Variants in KCNIP4 observed in about 807,000 individuals in gnomAD.
KCNIP4 encodes potassium voltage-gated channel interacting protein 4.
KCNIP4 carries 12 observed loss-of-function variants against 34.0 expected under a neutral mutation model. The observed-to-expected ratio is 0.35, with a 90% CI of 0.23 to 0.57. KCNIP4 has a LOEUF of 0.57. KCNIP4 is among the 20% of genes least tolerant of loss of function. KCNIP4 has a pLI of 0.83. For synonymous variants in KCNIP4, 124 were observed against 102.2 expected (o/e 1.21, Z -1.29); for missense variants, 238 against 311.7 (o/e 0.76, Z 1.78).
At chr4:21,419,350 G>T (rs991222872) in intron 1 of KCNIP4, among the ~76,000 whole-genome samples, 2 of 152,024 alleles carry the variant, frequency 1.3e-5, no homozygotes, top group African/African-American at 2.4e-5. Flanking sequence ...ATATACACCA[G>T]GAAAATGATG....
At chr4:20,743,313 T>A (rs1751619598) in intron 5 of KCNIP4, among the ~76,000 whole-genome samples, 1 of 152,076 alleles carries the variant, frequency 6.6e-6, no homozygotes, top group South Asian at 2.1e-4. Context: ...CATTGCCAAG[T>A]CAATCCTAAG....
intron 5 of KCNIP4, among the ~76,000 whole-genome samples, chr4:20,739,572 C>A (rs1312704485): frequency 1.3e-5 from 2 of 152,162 alleles, no homozygotes; most frequent in Non-Finnish European, 2.9e-5. Flanking sequence ...GACATCCACA[C>A]CAAAACCCCA....
intron 1 of KCNIP4, among the ~76,000 whole-genome samples, chr4:21,227,623 T>G (rs565454724): frequency 5.8e-4 from 88 of 152,302 alleles, no homozygotes; most frequent in African/African-American, 2.0e-3. Context: ...TCCAGGACTG[T>G]GACTTCTGCC....
Position 20,793,189 on chromosome 4 carries a change from T to C in KCNIP4, c.289-34299A>G, listed in dbSNP as rs537243518. 2.0e-5 allele frequency among the ~76,000 whole-genome samples: 3 copies of C among 152,298 alleles called. 1 individual carries two copies. The South Asian group carries it at 6.2e-4, about 32-fold the overall frequency. On this transcript the variant is annotated intron_variant, in intron 3 of 8. Coordinates refer to ENST00000382152, the MANE Select transcript of KCNIP4 (RefSeq NM_025221.6). ...TCCTAAATGTCCATTTACAGGTGAA[T>C]GGATAAACAAATTGTTGTATATACC...
chr4:21,326,697 G>GT (rs57895140), intron 1 of KCNIP4, among the ~76,000 whole-genome samples: 50,181 of 150,520 alleles, frequency 0.33, 8,335 homozygotes, highest in Middle Eastern at 0.42. Flanking sequence ...TTTTCTGGTT[G>GT]TTTTTTCGGT....
chr4:21,027,039 C>T (rs1004234450), intron 1 of KCNIP4, among the ~76,000 whole-genome samples: 1 of 152,170 alleles, frequency 6.6e-6, no homozygotes, highest in African/African-American at 2.4e-5. Flanking sequence ...AAAGATTATT[C>T]TGACTGTGTT....
At chr4:21,034,539 C>T (rs1251984281) in intron 1 of KCNIP4, among the ~76,000 whole-genome samples, 2 of 152,138 alleles carry the variant, frequency 1.3e-5, no homozygotes, top group Non-Finnish European at 2.9e-5. Flanking sequence ...CCTGGTCTTC[C>T]TTAGCATGGT....
intron 3 of KCNIP4, among the ~76,000 whole-genome samples, chr4:20,848,793 T>C (rs1346964316): frequency 6.6e-6 from 1 of 152,032 alleles, no homozygotes; most frequent in African/African-American, 2.4e-5. Flanking sequence ...TGATGTACAA[T>C]CCAATGTTAA....
intron 1 of KCNIP4, among the ~76,000 whole-genome samples, chr4:21,927,441 A>C (rs1729313524): frequency 6.6e-6 from 1 of 152,132 alleles, no homozygotes; most frequent in Non-Finnish European, 1.5e-5. Context: ...TGGGAAGAAA[A>C]GCAATACTCA....
chr4:21,709,569 A>T (rs913636201), intron 1 of KCNIP4, among the ~76,000 whole-genome samples: 21 of 152,304 alleles, frequency 1.4e-4, no homozygotes, highest in African/African-American at 4.8e-4. Flanking sequence ...TCATAAACAG[A>T]TACTAGTTTT....
At chr4:21,875,426 C>A (rs1726053150) in intron 1 of KCNIP4, among the ~76,000 whole-genome samples, 1 of 152,104 alleles carries the variant, frequency 6.6e-6, no homozygotes, top group Non-Finnish European at 1.5e-5. Flanking sequence ...TGTTTTTCAC[C>A]TATTTACTCA....
chr4:20,806,777 G>T (rs1157633248), intron 3 of KCNIP4, among the ~76,000 whole-genome samples: 1 of 152,062 alleles, frequency 6.6e-6, no homozygotes, highest in Admixed American at 6.6e-5. Flanking sequence ...AAAGATATCT[G>T]GTTTGGTGAG....
chr4:21,358,825 G>C (rs1319371043), intron 1 of KCNIP4, among the ~76,000 whole-genome samples: 3 of 152,034 alleles, frequency 2.0e-5, no homozygotes, highest in African/African-American at 7.2e-5. Context: ...TCAAACAAAT[G>C]CAATAATTTG....
chr4:20,955,629 C>A (rs1251709995), intron 1 of KCNIP4, among the ~76,000 whole-genome samples: 1 of 151,792 alleles, frequency 6.6e-6, no homozygotes, highest in Non-Finnish European at 1.5e-5. Flanking sequence ...TACTTATCTT[C>A]TAAGAAACTT....
intron 1 of KCNIP4, among the ~76,000 whole-genome samples, chr4:21,303,574 T>C (rs925961414): frequency 6.6e-6 from 1 of 152,208 alleles, no homozygotes; most frequent in Admixed American, 6.5e-5. Flanking sequence ...TGTTCTGACA[T>C]TTTTGATCCA....
At chr4:20,736,157 T>C (rs1749576455) in intron 5 of KCNIP4, among the ~76,000 whole-genome samples, 1 of 152,214 alleles carries the variant, frequency 6.6e-6, no homozygotes, top group Admixed American at 6.5e-5. Context: ...CTGGCATAAA[T>C]AGTTTGTATT....
At chr4:21,131,996 A>G (rs1751105880) in intron 1 of KCNIP4, among the ~76,000 whole-genome samples, 1 of 152,202 alleles carries the variant, frequency 6.6e-6, no homozygotes, top group African/African-American at 2.4e-5. Flanking sequence ...AGAGAGAGGT[A>G]CCGTGGTAAT....
rs541802295 is a variant in KCNIP4, at chr4:20,999,893, C to G, written c.62-117184G>C. 3.3e-5 allele frequency among the ~76,000 whole-genome samples: 5 copies of G among 152,260 alleles called. No homozygotes were observed. In the East Asian group the frequency reaches 9.7e-4, roughly 29 times the overall value. On this transcript the variant is annotated intron_variant, in intron 1 of 8. Transcript: ENST00000382152. ...GCTCTGAAACAAGAAGGAAACAGAA[C>G]ATGCACGTTGCAACTTAGAATTTTC...
intron 1 of KCNIP4, among the ~76,000 whole-genome samples, chr4:21,262,032 TATCTC>T (rs1251449837): frequency 1.3e-5 from 2 of 152,242 alleles, no homozygotes; most frequent in Non-Finnish European, 2.9e-5. Flanking sequence ...TCCCCAGTCT[TATCTC>T]ATAATGTTCT....
Sources: allele counts gnomAD v4.1 joint callset (sites outside exome capture counted in the v4.1 genomes callset), GRCh38; gene constraint gnomAD v4.1.1; transcripts MANE v1.5; gene names NCBI Gene and HGNC (gene_info 2026-07-23, HGNC 2026-07-21).